The following CSMD3 variants were observed in gnomAD, a reference collection of about 807,000 sequenced individuals.
CSMD3 encodes CUB and sushi domain-containing protein 3.
Under a neutral mutation model 435.2 loss-of-function variants are expected in CSMD3, and 177 were observed. The ratio of observed to expected loss-of-function variants is 0.41; its 90% confidence interval spans 0.36 to 0.46. CSMD3 has a LOEUF of 0.46. CSMD3 is among the 20% of genes least tolerant of loss of function. CSMD3 has a pLI of 0.34. For synonymous variants in CSMD3, 1,656 were observed against 1,520.5 expected (o/e 1.09, Z -2.07); for missense variants, 4,265 against 4,504.6 (o/e 0.95, Z 1.52).
chr8:112,560,250 G>T (rs1195768803), intron 24 of CSMD3, among the ~76,000 whole-genome samples: 3 of 151,670 alleles, frequency 2.0e-5, no homozygotes, highest in Non-Finnish European at 4.4e-5. Context: ...CTATTAAGGG[G>T]TCTTAATCAC....
chr8:113,171,072 T>C (rs2092259548), intron 4 of CSMD3, among the ~76,000 whole-genome samples: 1 of 152,052 alleles, frequency 6.6e-6, no homozygotes, highest in Non-Finnish European at 1.5e-5. Context: ...CATTTGATAT[T>C]ATTCCATTTC....
At chr8:112,374,290 ATC>A (rs1252373046) in intron 38 of CSMD3, among the ~76,000 whole-genome samples, 1 of 152,018 alleles carries the variant, frequency 6.6e-6, no homozygotes, top group African/African-American at 2.4e-5. Flanking sequence ...TCTTTTTCTC[ATC>A]TCTCTTTATC....
intron 10 of CSMD3, among the ~76,000 whole-genome samples, chr8:112,893,669 C>T (rs1048196403): frequency 8.6e-5 from 13 of 151,502 alleles, no homozygotes; most frequent in Non-Finnish European, 3.0e-5. Context: ...GAGTGCCTTA[C>T]CAACTGCAAT....
chr8:112,405,215 ATAT>A (rs1831707675), intron 35 of CSMD3, among the ~76,000 whole-genome samples: 1 of 11,900 alleles, frequency 8.4e-5, no homozygotes, highest in Admixed American at 1.1e-3. Context: ...AAAAACCCCC[ATAT>A]ATATATATAT....
intron 10 of CSMD3, among the ~76,000 whole-genome samples, chr8:112,881,832 T>C (rs750111097): frequency 1.3e-4 from 19 of 151,974 alleles, no homozygotes; most frequent in Non-Finnish European, 1.9e-4. Flanking sequence ...CTGCTGGGAA[T>C]TGGGTCAGTG....
intron 6 of CSMD3, among the ~76,000 whole-genome samples, chr8:112,992,447 G>A (rs1179359018): frequency 6.6e-6 from 1 of 151,710 alleles, no homozygotes; most frequent in African/African-American, 2.4e-5. Context: ...GGGTTGTTGA[G>A]GGTAGCCTAG....
intron 54 of CSMD3, among the ~76,000 whole-genome samples, chr8:112,293,569 C>A (rs1477848683): frequency 1.3e-5 from 2 of 151,992 alleles, no homozygotes; most frequent in Non-Finnish European, 2.9e-5. Context: ...AAAATATTCT[C>A]TAAATCAATC....
At chr8:112,564,126 T>G (rs535766852) in intron 24 of CSMD3, among the ~76,000 whole-genome samples, 164 of 151,942 alleles carry the variant, frequency 1.1e-3, no homozygotes, top group Non-Finnish European at 2.0e-3. Flanking sequence ...TTGGCCCATG[T>G]TTTTGTTTTA....
At chr8:112,887,605 T>C (rs2081644523) in intron 10 of CSMD3, among the ~76,000 whole-genome samples, 1 of 151,646 alleles carries the variant, frequency 6.6e-6, no homozygotes, top group African/African-American at 2.4e-5. Context: ...GTTTTACAAA[T>C]ATGTAATGCA....
At chr8:113,103,072 C>T (rs554234319) in intron 4 of CSMD3, among the ~76,000 whole-genome samples, 37 of 152,108 alleles carry the variant, frequency 2.4e-4, no homozygotes, top group Non-Finnish European at 5.3e-4. Context: ...ATCTCATTAT[C>T]TTCAAAAGAT....
intron 5 of CSMD3, among the ~76,000 whole-genome samples, chr8:113,048,410 C>T (rs968075210): frequency 4.6e-5 from 7 of 151,978 alleles, no homozygotes; most frequent in Non-Finnish European, 8.8e-5. Context: ...AATTCTTACT[C>T]GGAAAAATCA....
intron 6 of CSMD3, among the ~76,000 whole-genome samples, chr8:112,990,890 T>A (rs527749611): frequency 6.6e-6 from 1 of 151,944 alleles, no homozygotes; most frequent in African/African-American, 2.4e-5. Context: ...GAAAACCAAA[T>A]GTGTTTCTTA....
intron 64 of CSMD3, among the ~76,000 whole-genome samples, chr8:112,244,867 C>T (rs1365780480): frequency 2.6e-5 from 4 of 151,812 alleles, no homozygotes; most frequent in Non-Finnish European, 4.4e-5. Context: ...TATGCTTTAC[C>T]ATTTTAGAGA....
At chr8:112,269,656 T>C (rs1460634013) in intron 59 of CSMD3, among the ~76,000 whole-genome samples, 2 of 152,124 alleles carry the variant, frequency 1.3e-5, no homozygotes, top group Non-Finnish European at 2.9e-5. Flanking sequence ...CCCTTATAAT[T>C]AATATCCCAA....
chr8:112,388,703 A>G (rs1056147590), intron 36 of CSMD3, among the ~76,000 whole-genome samples: 24 of 152,178 alleles, frequency 1.6e-4, no homozygotes, highest in Non-Finnish European at 7.4e-5. Flanking sequence ...GGTCTGAGTT[A>G]GATATTTAGG....
intron 4 of CSMD3, among the ~76,000 whole-genome samples, chr8:113,139,361 A>C (rs2091493303): frequency 6.6e-6 from 1 of 151,102 alleles, no homozygotes; most frequent in Non-Finnish European, 1.5e-5. Flanking sequence ...CTGGTTGTAA[A>C]TATATGTACA....
intron 4 of CSMD3, among the ~76,000 whole-genome samples, chr8:113,106,264 G>A (rs924994443): frequency 9.9e-5 from 15 of 151,750 alleles, no homozygotes; most frequent in African/African-American, 3.6e-4. Flanking sequence ...AGGAAAGAAA[G>A]GGAAGATATG....
At chr8:112,641,853 C>CA (rs1414875011) in intron 20 of CSMD3, among the ~76,000 whole-genome samples, 4 of 151,864 alleles carry the variant, frequency 2.6e-5, no homozygotes, top group East Asian at 3.9e-4. Flanking sequence ...AACAAACAAA[C>CA]AAAAAACCCC....
At chr8:112,692,239 A>G (rs2076153625) in intron 13 of CSMD3, among the ~76,000 whole-genome samples, 1 of 151,030 alleles carries the variant, frequency 6.6e-6, no homozygotes, top group Non-Finnish European at 1.5e-5. Flanking sequence ...TTTTTAGTAT[A>G]TTTTCAGCCT....
Sources: gnomAD v4.1 joint callset for allele counts (sites outside exome capture counted in the v4.1 genomes callset) on GRCh38, gnomAD v4.1.1 for gene constraint, MANE v1.5 for transcripts, NCBI Gene and HGNC (gene_info 2026-07-23, HGNC 2026-07-21) for gene names.